The following LSAMP variants were observed in gnomAD, a reference collection of about 807,000 sequenced individuals.
LSAMP encodes the protein limbic system-associated membrane protein.
LSAMP carries 7 observed loss-of-function variants against 38.6 expected under a neutral mutation model. The ratio of observed to expected loss-of-function variants is 0.18; its 90% confidence interval spans 0.10 to 0.34. LSAMP has a LOEUF of 0.34. Among genes scored for constraint, LSAMP ranks in the 10% least tolerant of loss-of-function variants. The probability of loss-of-function intolerance (pLI) is 1.00; values close to 1 mark genes in which losing one functional copy is unlikely to be tolerated. For synonymous variants in LSAMP, 154 were observed against 166.8 expected, an observed-to-expected ratio of 0.92 and a Z score of 0.59; for missense variants, 313 against 420.0, an observed-to-expected ratio of 0.75 and a Z score of 2.23.
intron 3 of LSAMP, among the ~76,000 whole-genome samples, chr3:115,930,988 A>T (rs982178970): frequency 2.6e-5 from 4 of 152,256 alleles, no homozygotes; most frequent in Non-Finnish European, 5.9e-5. Context: ...AATTGAAGCC[A>T]GTCCTAGGTT....
chr3:116,077,301 C>G (rs1194071997), intron 2 of LSAMP, among the ~76,000 whole-genome samples: 1 of 151,558 alleles, frequency 6.6e-6, no homozygotes, highest in African/African-American at 2.4e-5. Context: ...CTTTAATTAC[C>G]CATCTTTTTC....
chr3:115,909,742 A>G (rs1937094435), intron 3 of LSAMP, among the ~76,000 whole-genome samples: 1 of 152,170 alleles, frequency 6.6e-6, no homozygotes, highest in African/African-American at 2.4e-5. Context: ...TTGCAAATTA[A>G]AGAGATAATA....
intron 2 of LSAMP, among the ~76,000 whole-genome samples, chr3:116,043,181 A>G (rs538044592): frequency 6.6e-6 from 1 of 152,246 alleles, no homozygotes; most frequent in South Asian, 2.1e-4. Flanking sequence ...ACTTATTACC[A>G]TTACTTTTTA....
At chr3:115,927,993 A>G (rs917372893) in intron 3 of LSAMP, among the ~76,000 whole-genome samples, 1 of 152,202 alleles carries the variant, frequency 6.6e-6, no homozygotes, top group Non-Finnish European at 1.5e-5. Context: ...CTGCCTTCCC[A>G]CAATAACTGC....
At chr3:116,001,270 A>G (rs955638793) in intron 3 of LSAMP, among the ~76,000 whole-genome samples, 1 of 152,250 alleles carries the variant, frequency 6.6e-6, no homozygotes, top group Non-Finnish European at 1.5e-5. Context: ...AATTCTTTGA[A>G]TATTAGTCAC....
chr3:116,371,413 T>C (rs1168020004), intron 1 of LSAMP, among the ~76,000 whole-genome samples: 1 of 152,084 alleles, frequency 6.6e-6, no homozygotes, highest in African/African-American at 2.4e-5. Flanking sequence ...CAATGTAATA[T>C]ACACATTAAC....
At chr3:116,296,138 C>G (rs983518311) in intron 1 of LSAMP, among the ~76,000 whole-genome samples, 15 of 152,196 alleles carry the variant, frequency 9.9e-5, no homozygotes, top group African/African-American at 3.6e-4. Context: ...GCTCTCTACT[C>G]TCTTAGCTAA....
chr3:115,932,409 A>T (rs1378133808), intron 3 of LSAMP, among the ~76,000 whole-genome samples: 1 of 152,188 alleles, frequency 6.6e-6, no homozygotes, highest in Non-Finnish European at 1.5e-5. Flanking sequence ...GATACTTTTT[A>T]AAAAAATAAA....
At chr3:116,114,508 T>A (rs931193268) in intron 1 of LSAMP, among the ~76,000 whole-genome samples, 1 of 152,190 alleles carries the variant, frequency 6.6e-6, no homozygotes. Context: ...ATGCTTTTTT[T>A]TTTTCCCCTG....
intron 2 of LSAMP, among the ~76,000 whole-genome samples, chr3:116,060,341 T>G (rs980137693): frequency 6.6e-6 from 1 of 152,098 alleles, no homozygotes; most frequent in African/African-American, 2.4e-5. Flanking sequence ...AACCAACTAT[T>G]CGGTGAAATT....
chr3:116,328,764 A>T (rs1370687185), intron 1 of LSAMP, among the ~76,000 whole-genome samples: 1 of 152,182 alleles, frequency 6.6e-6, no homozygotes, highest in Non-Finnish European at 1.5e-5. Context: ...AATGCTCTAG[A>T]GGAAAAGCTA....
intron 1 of LSAMP, among the ~76,000 whole-genome samples, chr3:116,293,270 A>C (rs554568894): frequency 2.0e-5 from 3 of 152,208 alleles, no homozygotes; most frequent in Non-Finnish European, 4.4e-5. Flanking sequence ...CCATATAAGG[A>C]TATCCCTTCA....
intron 1 of LSAMP, among the ~76,000 whole-genome samples, chr3:116,133,245 T>G (rs1709174098): frequency 6.6e-6 from 1 of 152,054 alleles, no homozygotes; most frequent in South Asian, 2.1e-4. Context: ...CATTTACTTT[T>G]TTTTCCTTTT....
intron 3 of LSAMP, among the ~76,000 whole-genome samples, chr3:115,869,191 C>G (rs945429251): frequency 1.3e-5 from 2 of 148,758 alleles, no homozygotes; most frequent in African/African-American, 5.0e-5. Context: ...ACTTTGATAG[C>G]CATAAACAAA....
At chr3:116,154,575 T>C (rs949422717) in intron 1 of LSAMP, among the ~76,000 whole-genome samples, 5 of 152,282 alleles carry the variant, frequency 3.3e-5, no homozygotes, top group Middle Eastern at 3.4e-3. Context: ...GTCTGTAACC[T>C]AAATTCTTTA....
rs975079372 is a variant in LSAMP, at chr3:116,325,049, T to C, written c.155+119828A>G. On this transcript the variant is annotated intron_variant, in intron 1 of 6. Transcript: ENST00000490035. ...ATGCTTCTTGGCCATATCTAGAAGA[T>C]CTGAATCCAGATGACTCTGTTTCCA... Among the ~76,000 whole-genome samples, 3 of 151,602 alleles carry C rather than the reference T, an allele frequency of 2.0e-5. No individual in the cohort carries two copies. In the East Asian group the frequency reaches 5.8e-4, roughly 29 times the overall value.
At chr3:115,889,625 G>A (rs558730095) in intron 3 of LSAMP, among the ~76,000 whole-genome samples, 53 of 152,000 alleles carry the variant, frequency 3.5e-4, no homozygotes, top group Non-Finnish European at 5.4e-4. Flanking sequence ...GAGTATCAGC[G>A]GAATGACCTT....
At chr3:116,282,287 T>C (rs559087051) in intron 1 of LSAMP, among the ~76,000 whole-genome samples, 12 of 152,136 alleles carry the variant, frequency 7.9e-5, no homozygotes, top group African/African-American at 2.4e-4. Flanking sequence ...AAGAATACCA[T>C]GTAAATATCC....
chr3:116,334,676 G>T (rs576652046), intron 1 of LSAMP, among the ~76,000 whole-genome samples: 1 of 152,114 alleles, frequency 6.6e-6, no homozygotes, highest in South Asian at 2.1e-4. Context: ...ATGTAAAGAT[G>T]ATAGTTTACA....
Sources: gnomAD v4.1 joint callset for allele counts (sites outside exome capture counted in the v4.1 genomes callset) on GRCh38, gnomAD v4.1.1 for gene constraint, MANE v1.5 for transcripts, NCBI Gene and HGNC (gene_info 2026-07-23, HGNC 2026-07-21) for gene names.